STARD13: variants seen among roughly 807,000 people sequenced by gnomAD.
STARD13 encodes the protein stAR-related lipid transfer protein 13.
Under a neutral mutation model 106.4 loss-of-function variants are expected in STARD13, and 62 were observed. The observed-to-expected ratio is 0.58, with a 90% CI of 0.48 to 0.72. The LOEUF is 0.72. STARD13 is among the 30% of genes least tolerant of loss of function. The probability of loss-of-function intolerance (pLI) is 0.00; values close to 1 mark genes in which losing one functional copy is unlikely to be tolerated. For missense variants in STARD13, 1,387 were observed against 1,424.0 expected, an observed-to-expected ratio of 0.97 and a Z score of 0.42; for synonymous variants, 565 against 553.0, an observed-to-expected ratio of 1.02 and a Z score of -0.31.
intron 1 of STARD13, among the ~76,000 whole-genome samples, chr13:33,246,788 G>T (rs1349904063): frequency 6.6e-6 from 1 of 152,204 alleles, no homozygotes; most frequent in Non-Finnish European, 1.5e-5. Context: ...AGAATTATCT[G>T]TTGGCAAGAG....
the STARD13 span, among the ~76,000 whole-genome samples, chr13:33,555,069 G>A: frequency 2.5e-3 from 377 of 152,218 alleles, no homozygotes; most frequent in African/African-American, 8.7e-3. Flanking sequence ...CAGAAACTCC[G>A]CACTAGGTCA....
chr13:33,202,587 A>G (rs186923652), intron 1 of STARD13, among the ~76,000 whole-genome samples: 162 of 152,374 alleles, frequency 1.1e-3, no homozygotes, highest in African/African-American at 3.8e-3. Flanking sequence ...AGAATGAAGT[A>G]GAATAAGATA....
At chr13:33,401,225 T>C in the STARD13 span, among the ~76,000 whole-genome samples, 4 of 152,206 alleles carry the variant, frequency 2.6e-5, no homozygotes, top group African/African-American at 9.7e-5. Flanking sequence ...TTTTGAATTA[T>C]TTATTTAAAC....
At chr13:33,669,477 C>A in the STARD13 span, among the ~76,000 whole-genome samples, 1 of 151,124 alleles carries the variant, frequency 6.6e-6, no homozygotes, top group Non-Finnish European at 1.5e-5. Context: ...TTGCTCACCT[C>A]CATCTGGAAT....
At chr13:33,664,713 GC>G in the STARD13 span, among the ~76,000 whole-genome samples, 3 of 152,140 alleles carry the variant, frequency 2.0e-5, no homozygotes, top group Non-Finnish European at 4.4e-5. Flanking sequence ...TGCAACCTCC[GC>G]CTCCCAGGTT....
At chr13:33,364,437 C>T in the STARD13 span, among the ~76,000 whole-genome samples, 7 of 152,166 alleles carry the variant, frequency 4.6e-5, no homozygotes, top group Non-Finnish European at 1.0e-4. Flanking sequence ...AAATGGGTTA[C>T]TCTTAATATT....
chr13:33,586,085 T>G, the STARD13 span, among the ~76,000 whole-genome samples: 4 of 152,324 alleles, frequency 2.6e-5, 1 homozygote, highest in South Asian at 8.3e-4. Flanking sequence ...TTATGATATA[T>G]ATGTTTTACT....
At chr13:33,528,229 TATATATATATATAC>T in the STARD13 span, among the ~76,000 whole-genome samples, 12 of 130,928 alleles carry the variant, frequency 9.2e-5, no homozygotes, top group South Asian at 2.3e-4. Flanking sequence ...TGTGTGTGTA[TATATATATATATAC>T]ATATATATAT....
the STARD13 span, among the ~76,000 whole-genome samples, chr13:33,400,244 T>C: frequency 6.6e-6 from 1 of 152,242 alleles, no homozygotes; most frequent in Non-Finnish European, 1.5e-5. Context: ...ATGTGTTACT[T>C]ATTTCATTTA....
Position 33,160,567 on chromosome 13 carries a change from T to C in STARD13, c.323+4770A>G, listed in dbSNP as rs552401427. ...TGACAAAGGACTCATATCTAGGACA[T>C]ATCCAAACTCTCAAAACTCAACAAT... is the stretch of plus-strand genomic sequence containing the variant. On this transcript the variant is annotated intron_variant, in intron 3 of 13. Coordinates refer to ENST00000336934, the MANE Select transcript of STARD13 (RefSeq NM_178006.4). 5.3e-5 allele frequency among the ~76,000 whole-genome samples: 8 copies of C among 152,304 alleles called. No homozygotes were observed. The East Asian group carries it at 1.5e-3, about 29-fold the overall frequency.
At chr13:33,556,363 C>T in the STARD13 span, among the ~76,000 whole-genome samples, 4 of 151,540 alleles carry the variant, frequency 2.6e-5, no homozygotes, top group Admixed American at 2.6e-4. Context: ...GTCACTGCAG[C>T]CTCCAATTCT....
rs368516816 is a variant in STARD13, at chr13:33,128,961, A to T, written c.1716T>A (p.Ser572=). Residue 572 remains serine, a synonymous_variant, in exon 5 of 14, where the codon TCT becomes TCA. Transcript: ENST00000336934. ...EPPGVRDRRD[S]GVGASLTRPN... ...GCCTGGTCAGAGAGGCCCCTACACC[A>T]GAATCCCTCCTGTCTCTGACCCCAG... The T allele has an allele frequency of 7.4e-6, 12 of 1,613,874 alleles. No homozygotes were observed. The highest frequency in any genetic ancestry group is 1.0e-5 in the Non-Finnish European group (12 of 1,179,892).
At chr13:33,479,284 C>A in the STARD13 span, among the ~76,000 whole-genome samples, 1 of 152,134 alleles carries the variant, frequency 6.6e-6, no homozygotes, top group African/African-American at 2.4e-5. Flanking sequence ...GGTGGGAATG[C>A]AAACACGGCA....
At chr13:33,227,673 G>A (rs946935506) in intron 1 of STARD13, among the ~76,000 whole-genome samples, 4 of 152,098 alleles carry the variant, frequency 2.6e-5, no homozygotes, top group Non-Finnish European at 5.9e-5. Flanking sequence ...CTTTAACTTG[G>A]ACATGACTAT....
the STARD13 span, among the ~76,000 whole-genome samples, chr13:33,397,088 C>T: frequency 6.6e-6 from 1 of 152,092 alleles, no homozygotes; most frequent in Non-Finnish European, 1.5e-5. Context: ...TCCTTGAGTC[C>T]ATTGGGATTC....
At chr13:33,451,308 C>T in the STARD13 span, among the ~76,000 whole-genome samples, 1 of 152,242 alleles carries the variant, frequency 6.6e-6, no homozygotes, top group Admixed American at 6.5e-5. Context: ...AGAACAATTT[C>T]TGTGGTGATG....
rs370275585 is a variant in STARD13 at position 33,127,420 on chromosome 13, C to T, written c.1875G>A (p.Thr625=). ...ACATGGAGTGCTTCTCCATGATGGC[C>T]GTGAGGCGGAGCAGTGAGAAGCGCT... is the stretch of plus-strand genomic sequence containing the variant. The part of the protein sequence containing the change: ...LLQRFSLLRL[T]AIMEKHSMSN... Residue 625 remains threonine, a synonymous_variant, in exon 6 of 14, where the codon ACG becomes ACA. Coordinates refer to ENST00000336934, the MANE Select transcript of STARD13 (RefSeq NM_178006.4). The T allele has an allele frequency of 3.8e-5, 61 of 1,605,252 alleles. No homozygotes were observed. The highest frequency in any genetic ancestry group is 1.8e-4 in the Admixed American group (11 of 59,626).
the STARD13 span, among the ~76,000 whole-genome samples, chr13:33,452,635 C>A: frequency 4.6e-5 from 7 of 152,060 alleles, no homozygotes; most frequent in Non-Finnish European, 1.0e-4. Context: ...TAGTTATATG[C>A]GCTTAGGCAA....
chr13:33,327,204 T>C (rs994997939), intron 1 of STARD13, among the ~76,000 whole-genome samples: 11 of 152,226 alleles, frequency 7.2e-5, no homozygotes, highest in Non-Finnish European at 1.6e-4. Context: ...AAAATATACA[T>C]GTAATACCTA....
Sources: allele counts gnomAD v4.1 joint callset (sites outside exome capture counted in the v4.1 genomes callset), GRCh38; gene constraint gnomAD v4.1.1; transcripts MANE v1.5; gene names NCBI Gene and HGNC (gene_info 2026-07-23, HGNC 2026-07-21).